SMIM45: variants seen among roughly 807,000 people sequenced by gnomAD.
The protein encoded by SMIM45 is long intergenic non-protein coding RNA 634.
At chr22:41,951,105 G>A in the SMIM45 span, among the ~76,000 whole-genome samples, 1 of 152,268 alleles carries the variant, frequency 6.6e-6, no homozygotes, top group Non-Finnish European at 1.5e-5. Flanking sequence ...TGTGGTGGGG[G>A]ACCTAGGTCC....
At chr22:41,947,080 A>T in the SMIM45 span, 1 of 1,612,898 alleles carries the variant, frequency 6.2e-7, no homozygotes, top group South Asian at 1.1e-5. Context: ...CCGACATCAC[A>T]GCCGCAGGAC....
At chr22:41,951,741 TGTCTGAACTCTCA>T in the SMIM45 span, among the ~76,000 whole-genome samples, 1 of 152,226 alleles carries the variant, frequency 6.6e-6, no homozygotes, top group Non-Finnish European at 1.5e-5. Context: ...TGAGCCAATG[TGTCTGAACTCTCA>T]GACTCAGTCT....
the SMIM45 span, chr22:41,947,259 C>T: frequency 6.6e-6 from 4 of 606,242 alleles, no homozygotes; most frequent in African/African-American, 7.4e-5. Context: ...CGTTCCAGCG[C>T]TACCCGTGGA....
the SMIM45 span, chr22:41,958,375 C>G: frequency 2.2e-6 from 1 of 456,478 alleles, no homozygotes; most frequent in Non-Finnish European, 4.4e-6. Flanking sequence ...GGGATGTCAG[C>G]TTGGGCCAGA....
At chr22:41,950,157 G>A in the SMIM45 span, among the ~76,000 whole-genome samples, 2 of 144,322 alleles carry the variant, frequency 1.4e-5, no homozygotes, top group Admixed American at 1.5e-4. Context: ...GTATGAATAA[G>A]GAATCAGTGG....
the SMIM45 span, among the ~76,000 whole-genome samples, chr22:41,951,987 C>T: frequency 2.6e-5 from 4 of 152,246 alleles, no homozygotes; most frequent in Non-Finnish European, 4.4e-5. Flanking sequence ...CCAATCCTGC[C>T]GCTCTGTCAT....
the SMIM45 span, chr22:41,958,712 G>A: frequency 1.7e-5 from 4 of 232,836 alleles, no homozygotes; most frequent in Middle Eastern, 1.7e-3. Flanking sequence ...GCAGGCAGGA[G>A]CCCCTGCCCT....
chr22:41,948,045 T>C, the SMIM45 span, among the ~76,000 whole-genome samples: 2 of 152,138 alleles, frequency 1.3e-5, no homozygotes, highest in African/African-American at 4.8e-5. Flanking sequence ...TACAGAGCTG[T>C]CAGGGTCTTG....
chr22:41,947,090 C>A, the SMIM45 span: 1 of 1,612,254 alleles, frequency 6.2e-7, no homozygotes, highest in East Asian at 2.2e-5. Context: ...AGCCGCAGGA[C>A]CAACCGTTGC....
chr22:41,946,968 G>A, the SMIM45 span: 6 of 1,587,078 alleles, frequency 3.8e-6, 1 homozygote, highest in South Asian at 4.4e-5. Flanking sequence ...AGTGGCTGAA[G>A]CACCGCCCAG....
chr22:41,948,828 C>T, the SMIM45 span, among the ~76,000 whole-genome samples: 5 of 152,034 alleles, frequency 3.3e-5, no homozygotes, highest in Admixed American at 2.0e-4. Flanking sequence ...TTTGGGAGGC[C>T]GAGGCGGGCG....
At chr22:41,947,129 CG>C in the SMIM45 span, 10 of 1,578,312 alleles carry the variant, frequency 6.3e-6, no homozygotes, top group Non-Finnish European at 8.7e-6. Context: ...TCTTTCAAAC[CG>C]CCCTGAGTCC....
chr22:41,958,387 C>T, the SMIM45 span: 2 of 456,622 alleles, frequency 4.4e-6, no homozygotes, highest in South Asian at 3.1e-5. Flanking sequence ...TGGGCCAGAC[C>T]AGCCGCACCC....
At chr22:41,947,850 G>A in the SMIM45 span, among the ~76,000 whole-genome samples, 1 of 152,132 alleles carries the variant, frequency 6.6e-6, no homozygotes, top group African/African-American at 2.4e-5. Flanking sequence ...GCCCAGGTGG[G>A]TCGTAAACTC....
At chr22:41,955,224 A>G in the SMIM45 span, among the ~76,000 whole-genome samples, 1 of 151,060 alleles carries the variant, frequency 6.6e-6, no homozygotes, top group Non-Finnish European at 1.5e-5. Flanking sequence ...CTTGTTGCCC[A>G]GGCTGGAGTG....
chr22:41,951,477 C>T, the SMIM45 span, among the ~76,000 whole-genome samples: 2 of 152,174 alleles, frequency 1.3e-5, no homozygotes, highest in South Asian at 2.1e-4. Context: ...GGGAGGACTG[C>T]AGGAAGTGAT....
chr22:41,957,807 G>A, the SMIM45 span: 1 of 154,126 alleles, frequency 6.5e-6, no homozygotes, highest in African/African-American at 2.4e-5. Flanking sequence ...CACAAGTGGC[G>A]CATGCAGCGC....
chr22:41,958,282 T>C, the SMIM45 span: 1 of 456,626 alleles, frequency 2.2e-6, no homozygotes, highest in East Asian at 7.0e-5. Context: ...CCAGCTCCCC[T>C]GCCTCCACTC....
chr22:41,953,270 G>C, the SMIM45 span, among the ~76,000 whole-genome samples: 1 of 152,078 alleles, frequency 6.6e-6, no homozygotes, highest in Non-Finnish European at 1.5e-5. Flanking sequence ...GGAGTAGAGA[G>C]ACAAGAGGAG....
Sources: allele counts gnomAD v4.1 joint callset (sites outside exome capture counted in the v4.1 genomes callset), GRCh38; gene constraint gnomAD v4.1.1; transcripts MANE v1.5; gene names NCBI Gene and HGNC (gene_info 2026-07-23, HGNC 2026-07-21).